The following FAF1 variants were observed in gnomAD, a reference collection of about 807,000 sequenced individuals.
FAF1 encodes the protein Fas associated factor 1, also known as FAS-associated factor 1.
FAF1 carries 25 observed loss-of-function variants against 92.5 expected under a neutral mutation model. That is an observed-to-expected ratio of 0.27 (90% CI 0.20 to 0.38). The LOEUF (loss-of-function observed/expected upper bound fraction) is 0.38, where lower values mean the gene tolerates loss of function less well. Ranked by LOEUF, FAF1 falls within the 10% of genes least tolerant of loss-of-function variation. The pLI, the probability that FAF1 is intolerant of heterozygous loss-of-function variation, is 1.00. For missense variants in FAF1, 636 were observed against 793.3 expected (o/e 0.80, Z 2.38); for synonymous variants, 234 against 273.2 (o/e 0.86, Z 1.42).
At chr1:50,621,903 C>T (rs978438091) in intron 8 of FAF1, among the ~76,000 whole-genome samples, 6 of 152,112 alleles carry the variant, frequency 3.9e-5, no homozygotes, top group African/African-American at 7.2e-5. Context: ...CAGTGGCTCA[C>T]GCCTGTAATC....
At chr1:50,910,052 C>T (rs778092212) in intron 1 of FAF1, among the ~76,000 whole-genome samples, 7 of 152,150 alleles carry the variant, frequency 4.6e-5, no homozygotes, top group South Asian at 2.1e-4. Flanking sequence ...GACGTACAGA[C>T]GGGGTTTTGG....
chr1:50,531,737 T>C (rs1361608946), intron 15 of FAF1, among the ~76,000 whole-genome samples: 1 of 152,158 alleles, frequency 6.6e-6, no homozygotes, highest in Non-Finnish European at 1.5e-5. Flanking sequence ...GTATATACCC[T>C]GGTTAAAAAT....
intron 1 of FAF1, among the ~76,000 whole-genome samples, chr1:50,869,670 T>A (rs1644510866): frequency 6.6e-6 from 1 of 152,204 alleles, no homozygotes; most frequent in Non-Finnish European, 1.5e-5. Context: ...TACTTTATCT[T>A]CTATACCATT....
At chr1:50,567,418 A>G (rs927240556) in intron 12 of FAF1, among the ~76,000 whole-genome samples, 187 bp from the exon 13 acceptor site, 4 of 152,050 alleles carry the variant, frequency 2.6e-5, no homozygotes, top group African/African-American at 4.8e-5. Flanking sequence ...ACTTTCTTAC[A>G]CTTTAAAAAG....
chr1:50,902,748 T>C (rs558614004), intron 1 of FAF1, among the ~76,000 whole-genome samples: 120 of 152,340 alleles, frequency 7.9e-4, no homozygotes, highest in Non-Finnish European at 1.5e-3. Context: ...AGATTACTGA[T>C]AATACCTAAT....
chr1:50,751,427 T>A (rs757411520), intron 4 of FAF1, among the ~76,000 whole-genome samples: 1 of 152,116 alleles, frequency 6.6e-6, no homozygotes, highest in Non-Finnish European at 1.5e-5. Flanking sequence ...CTCTGCCTCC[T>A]CCGCCTCCCA....
intron 18 of FAF1, among the ~76,000 whole-genome samples, chr1:50,447,501 AT>A (rs1156945566): frequency 6.6e-6 from 1 of 152,138 alleles, no homozygotes; most frequent in East Asian, 1.9e-4. Flanking sequence ...TTGTTACCAA[AT>A]TTTGTCTAGT....
chr1:50,702,870 A>T (rs913302260), intron 7 of FAF1, among the ~76,000 whole-genome samples: 4 of 152,070 alleles, frequency 2.6e-5, no homozygotes, highest in Admixed American at 6.6e-5. Flanking sequence ...TCAGTATTTT[A>T]AAAAAATGTA....
chr1:50,949,806 T>C (rs1176556224), intron 1 of FAF1, among the ~76,000 whole-genome samples: 1 of 152,190 alleles, frequency 6.6e-6, no homozygotes, highest in Non-Finnish European at 1.5e-5. Context: ...GGATTCTATT[T>C]GGCCTGACCT....
intron 12 of FAF1, among the ~76,000 whole-genome samples, chr1:50,581,503 T>G (rs1650985311): frequency 6.6e-6 from 1 of 152,164 alleles, no homozygotes; most frequent in Non-Finnish European, 1.5e-5. Context: ...ATTAAACATT[T>G]ACTGAATTTT....
Position 50,526,272 on chromosome 1 carries a change from C to T in FAF1, c.1494+9097G>A, listed in dbSNP as rs79113074. Among the ~76,000 whole-genome samples, 12 of 151,740 alleles carry T rather than the reference C, an allele frequency of 7.9e-5. No individual in the cohort carries two copies. In the East Asian group the frequency reaches 2.4e-3, roughly 30 times the overall value. On this transcript the variant is annotated intron_variant, in intron 15 of 18. Transcript: ENST00000396153. Reference sequence around the variant, plus strand: ...GCCTGCTCATGGTGGCATGAGCCACCGTGCCTGGCCAAAACAATTTTAAAA... The same window carrying T: ...GCCTGCTCATGGTGGCATGAGCCACTGTGCCTGGCCAAAACAATTTTAAAA...
At chr1:50,666,883 T>G (rs1465732005) in intron 7 of FAF1, among the ~76,000 whole-genome samples, 2 of 152,110 alleles carry the variant, frequency 1.3e-5, no homozygotes, top group Non-Finnish European at 2.9e-5. Context: ...AGACTCCATC[T>G]CAAAACAACA....
At position 50,721,372 on chromosome 1, in the gene FAF1, G is replaced by A. The variant is rs11205765; in HGVS notation, c.552-15481C>T. Among the ~76,000 whole-genome samples, 794 of 151,788 alleles carry A rather than the reference G, an allele frequency of 5.2e-3. 4 individuals are homozygous for A. The highest frequency in any genetic ancestry group is 0.018 in the African/African-American group (735 of 41,388). ...TGGGACTACAGGCACGCACCACTACGCCCAGCTAATTTTTGTATTTTTAGT... is the reference window on the plus strand; with the variant it reads ...TGGGACTACAGGCACGCACCACTACACCCAGCTAATTTTTGTATTTTTAGT... On this transcript the variant is annotated intron_variant, in intron 6 of 18. Coordinates refer to ENST00000396153, the MANE Select transcript of FAF1 (RefSeq NM_007051.3).
chr1:50,713,615 A>T (rs1308381703), intron 6 of FAF1, among the ~76,000 whole-genome samples: 1 of 151,934 alleles, frequency 6.6e-6, no homozygotes, highest in Admixed American at 6.6e-5. Context: ...AGAAAAAAAG[A>T]TATAAGCAAA....
At chr1:50,939,690 T>C (rs1010157350) in intron 1 of FAF1, among the ~76,000 whole-genome samples, 1 of 152,174 alleles carries the variant, frequency 6.6e-6, no homozygotes, top group Non-Finnish European at 1.5e-5. Flanking sequence ...TACTTCAAGG[T>C]ATGTTCCTTC....
At chr1:50,617,148 T>C (rs539294014) in intron 8 of FAF1, among the ~76,000 whole-genome samples, 9 of 152,364 alleles carry the variant, frequency 5.9e-5, no homozygotes, top group Non-Finnish European at 8.8e-5. Context: ...TCTTGCCTGA[T>C]TGCTGTGGCT....
In FAF1 at chr1:50,939,296, A is replaced by G. The variant is rs1645111153; in HGVS notation, c.45+20471T>C. 2.0e-5 allele frequency among the ~76,000 whole-genome samples: 3 copies of G among 152,146 alleles called. No individual in the cohort carries two copies. In the South Asian group the frequency reaches 6.2e-4, roughly 31 times the overall value. The stretch of plus-strand genomic sequence containing the variant: ...GATTTTCACGTCCTTGGTTAACTGT[A>G]TTCATAGGTATTTCATATTCTTTGT... On this transcript the variant is annotated intron_variant, in intron 1 of 18. Transcript: ENST00000396153.
intron 13 of FAF1, among the ~76,000 whole-genome samples, chr1:50,557,427 G>C (rs1040021896): frequency 6.6e-6 from 1 of 152,080 alleles, no homozygotes; most frequent in African/African-American, 2.4e-5. Flanking sequence ...CTTAAGGAAA[G>C]GACACCCAAT....
chr1:50,816,666 G>A (rs113351536), intron 2 of FAF1, among the ~76,000 whole-genome samples: 3,054 of 151,978 alleles, frequency 0.02, 101 homozygotes, highest in African/African-American at 0.071. Flanking sequence ...TCTTTTGCTC[G>A]GCAGAAGCTC....
Sources: allele counts gnomAD v4.1 joint callset (sites outside exome capture counted in the v4.1 genomes callset), GRCh38; gene constraint gnomAD v4.1.1; transcripts MANE v1.5; gene names NCBI Gene and HGNC (gene_info 2026-07-23, HGNC 2026-07-21).